The following PLEKHG3 variants were observed in gnomAD, a reference collection of about 807,000 sequenced individuals.
PLEKHG3 encodes pleckstrin homology domain-containing family G member 3.
In PLEKHG3, 62 loss-of-function variants were observed where a neutral mutation model predicts 94.9. That is an observed-to-expected ratio of 0.65 (90% CI 0.53 to 0.81). PLEKHG3 has a LOEUF of 0.81. PLEKHG3 is among the 30% of genes least tolerant of loss of function. The probability of loss-of-function intolerance (pLI) is 0.00; values close to 1 mark genes in which losing one functional copy is unlikely to be tolerated. For missense variants in PLEKHG3, 1,461 were observed against 1,619.3 expected (o/e 0.90, Z 1.68); for synonymous variants, 614 against 654.0 (o/e 0.94, Z 0.93).
Position 64,743,757 on chromosome 14 carries a change from G to A in PLEKHG3, c.*54G>A. The A allele has an allele frequency of 1.3e-6, 2 of 1,494,528 alleles. No individual in the cohort carries two copies. Among genetic ancestry groups the A allele is most frequent in the Non-Finnish European group, 8.9e-7 (1 of 1,127,064 alleles). 92.6% of individuals were successfully genotyped at this position (1,494,528 alleles called of 1,614,324 possible). A position where few individuals can be genotyped will look rare whatever the true frequency, so the allele number is the denominator to read the frequency against. On this transcript the variant is annotated 3_prime_UTR_variant, in exon 17 of 17. Transcript: ENST00000247226. The surrounding 1 kb of genome is among the most constrained non-coding windows in gnomAD (Gnocchi z 7.2). ...TGTTGGAGGTTGGGGAAGAACCTGG[G>A]CATCCTTCCCCTCAAGCCTGGGCTC...
intron 3 of PLEKHG3, 90 bp downstream of exon 3, chr14:64,729,183 G>A (rs879226541): frequency 1.6e-6 from 1 of 611,260 alleles, no homozygotes; most frequent in East Asian, 2.9e-5. Flanking sequence ...CTGGTCTCAT[G>A]GGCCTGTGAC....
At position 64,732,848 on chromosome 14, in the gene PLEKHG3, G is replaced by A; in HGVS notation, c.1292G>A (p.Trp431Ter). The A allele has an allele frequency of 1.2e-6, 2 of 1,611,106 alleles. No homozygotes were observed. Among genetic ancestry groups the A allele is most frequent in the South Asian group, 1.1e-5 (1 of 90,090 alleles). Residue 431 changes from tryptophan to a stop codon, truncating the protein, a stop_gained, in exon 12 of 17, where the codon TGG becomes TAG. Transcript: ENST00000247226. LOFTEE classifies it high-confidence loss of function. The surrounding 1 kb of genome is among the most constrained non-coding windows in gnomAD (Gnocchi z 4.9). Reference protein sequence around the residue: ...RCSPERLKKAWSSQDEVSTNV... With the variant: ...RCSPERLKKA ...AGCCCAGAGCGGCTGAAGAAGGCTTGGTCCTCCCAGGATGAGGTGTCCACC... is the reference window on the plus strand; with the variant it reads ...AGCCCAGAGCGGCTGAAGAAGGCTTAGTCCTCCCAGGATGAGGTGTCCACC...
Position 64,742,302 on chromosome 14 carries a change from C to T in PLEKHG3, c.2785C>T (p.Leu929=), listed in dbSNP as rs1183335335. 1.2e-6 allele frequency: 2 copies of T among 1,612,668 alleles called. No individual in the cohort carries two copies. The highest frequency in any genetic ancestry group is 1.7e-6 in the Non-Finnish European group (2 of 1,180,040). The change falls in exon 16 of 17, where the codon CTG becomes TTG. Residue 929 remains leucine (L), a synonymous_variant. Transcript: ENST00000247226. ...SERVKNKVYQ[L]ARQYSLRIKS... is the part of the protein sequence containing the mutation. ...GCGCGTCAAGAACAAGGTCTACCAG[C>T]TGGCCCGCCAGTACAGCCTCCGGAT...
chr14:64,730,806 G>A lies in PLEKHG3; in HGVS notation c.574G>A (p.Ala192Thr). The change falls in exon 6 of 17, where the codon GCC becomes ACC. Residue 192 changes from alanine to threonine, a missense_variant. This residue lies in a region of PLEKHG3 where 253 missense variants were observed against 297.8 expected (regional missense o/e 0.85). Coordinates refer to ENST00000247226, the MANE Select transcript of PLEKHG3 (RefSeq NM_001308147.2). This position sits in a 1 kb window ranked among gnomAD's most constrained non-coding sequence, Gnocchi z 5.4. ...CCCTTCTCCCACTCCCAGCTCCGTG[G>A]CCGCCCTGACGGAATGCATGCGGGA... is the stretch of plus-strand genomic sequence containing the variant. Reference protein sequence around the residue: ...QYCNNYPNSVAALTECMRDKQ... With the variant: ...QYCNNYPNSVTALTECMRDKQ... 1 of 1,613,176 alleles carries A rather than the reference G, an allele frequency of 6.2e-7. No homozygotes were observed.
rs755411882 is a variant in PLEKHG3, at chr14:64,742,970, C to G, written c.2939-12C>G. The G allele has an allele frequency of 1.2e-6, 2 of 1,613,066 alleles. No individual in the cohort carries two copies. The highest frequency in any genetic ancestry group is 1.3e-5 in the African/African-American group (1 of 74,924). On this transcript the variant is annotated splice_polypyrimidine_tract_variant and intron_variant, in intron 16 of 16. Coordinates refer to ENST00000247226, the MANE Select transcript of PLEKHG3 (RefSeq NM_001308147.2). ...CGCCCCATGCTTCAGGCAGCTTGCT[C>G]TCTCCTCATAGGTAAGAGGAAGCCG... is the stretch of plus-strand genomic sequence containing the variant.
chr14:64,707,280 C>T (rs2080986907), intron 1 of PLEKHG3, among the ~76,000 whole-genome samples: 1 of 152,196 alleles, frequency 6.6e-6, no homozygotes, highest in Non-Finnish European at 1.5e-5. Flanking sequence ...CTCATCTGGG[C>T]CCCACAACTC....
chr14:64,741,734 G>T lies in PLEKHG3; in HGVS notation c.2217G>T (p.Arg739=). 1 of 1,613,122 alleles carries T rather than the reference G, an allele frequency of 6.2e-7. No individual in the cohort carries two copies. The highest frequency in any genetic ancestry group is 8.5e-7 in the Non-Finnish European group (1 of 1,180,026). Reference sequence around the variant, plus strand: ...ATGCAGGCTTCAGCGTCCGTCGCCGGGAGAGCCTCTCCTACATCCCCAAAG... The same window carrying T: ...ATGCAGGCTTCAGCGTCCGTCGCCGTGAGAGCCTCTCCTACATCCCCAAAG... The part of the protein sequence containing the change: ...HHDAGFSVRR[R]ESLSYIPKGL... Residue 739 remains arginine, a synonymous_variant, in exon 16 of 17, where the codon CGG becomes CGT. Transcript: ENST00000247226.
intron 1 of PLEKHG3, among the ~76,000 whole-genome samples, chr14:64,707,945 T>C (rs2080999198): frequency 6.6e-6 from 1 of 152,270 alleles, no homozygotes; most frequent in Non-Finnish European, 1.5e-5. Context: ...GTATGTTGAA[T>C]GCTTAGCAAA....
In PLEKHG3 at chr14:64,742,211, G is replaced by C. The variant is rs1174478918; in HGVS notation, c.2694G>C (p.Glu898Asp). ...VKELSSSTQG[E>D]LVAPLHPRIV... ...AGCTGAGCAGCAGTACCCAGGGGGA[G>C]CTGGTGGCCCCACTGCACCCCCGCA... The change falls in exon 16 of 17, where the codon GAG becomes GAC. Residue 898 changes from glutamate to aspartate, a missense_variant. Glu to Asp is a conservative substitution (Grantham distance 45). Transcript: ENST00000247226. The C allele has an allele frequency of 6.2e-7, 1 of 1,613,008 alleles. No individual in the cohort carries two copies. The highest frequency in any genetic ancestry group is 8.5e-7 in the Non-Finnish European group (1 of 1,179,968).
At position 64,741,960 on chromosome 14, in the gene PLEKHG3, G is replaced by T. The variant is rs1419582701; in HGVS notation, c.2443G>T (p.Val815Leu). 25 of 1,576,466 alleles carry T rather than the reference G, an allele frequency of 1.6e-5. No homozygotes were observed. Among genetic ancestry groups the T allele is most frequent in the Non-Finnish European group, 2.1e-5 (25 of 1,163,324 alleles). ...TGAGTTCCGCCCATCTTCAGAAATT[G>T]TGAAGATCTGGGAGGGAATGGAGTC... ...DAEFRPSSEI[V>L]KIWEGMESSG... The change falls in exon 16 of 17, where the codon GTG becomes TTG. Residue 815 changes from valine to leucine, a missense_variant. Physicochemically the swap from Val to Leu is conservative, Grantham distance 32. Coordinates refer to ENST00000247226, the MANE Select transcript of PLEKHG3 (RefSeq NM_001308147.2).
intron 1 of PLEKHG3, among the ~76,000 whole-genome samples, chr14:64,708,535 G>C (rs1465439011): frequency 6.6e-6 from 1 of 152,130 alleles, no homozygotes; most frequent in Non-Finnish European, 1.5e-5. Context: ...TTTGAATAAG[G>C]GTTCGCCAGG....
rs192516812 is a variant in PLEKHG3 at position 64,738,197 on chromosome 14, C to A, written c.1405-545C>A. On this transcript the variant is annotated intron_variant, in intron 14 of 16. Coordinates refer to ENST00000247226, the MANE Select transcript of PLEKHG3 (RefSeq NM_001308147.2). This position sits in a 1 kb window ranked among gnomAD's most constrained non-coding sequence, Gnocchi z 4.8. ...TCCACTGCTGGCACTATCGGGCCAACGCTTTACTTTTCTCCCGGGGCGCTA... is the reference window on the plus strand; with the variant it reads ...TCCACTGCTGGCACTATCGGGCCAAAGCTTTACTTTTCTCCCGGGGCGCTA... 4.3e-5 allele frequency: 55 copies of A among 1,289,514 alleles called. No individual in the cohort carries two copies. In the African/African-American group the frequency reaches 6.4e-4, roughly 15 times the overall value. 79.9% of individuals were successfully genotyped at this position (1,289,514 alleles called of 1,614,324 possible). A position where few individuals can be genotyped will look rare whatever the true frequency, so the allele number is the denominator to read the frequency against.
At chr14:64,737,408 C>T in intron 14 of PLEKHG3, 33 bp downstream of exon 14, 1 of 1,536,672 alleles carries the variant, frequency 6.5e-7, no homozygotes. Context: ...GACTGGCTGA[C>T]AGAGGAGGGT....
rs942658119 is a variant in PLEKHG3, at chr14:64,717,390, C to CT, written c.-39-10202dup. 1.3e-5 allele frequency among the ~76,000 whole-genome samples: 2 copies of CT among 152,118 alleles called. No individual in the cohort carries two copies. The highest frequency in any genetic ancestry group is 4.8e-5 in the African/African-American group (2 of 41,422). On this transcript the variant is annotated intron_variant, in intron 1 of 16. Transcript: ENST00000247226. The surrounding 1 kb of genome is among the most constrained non-coding windows in gnomAD (Gnocchi z 4.7). ...GGGAGTTGTGTTTTAGGGAATTGCC[C>CT]TGGCAGCCTTGCCTCCAAGCCACCA...
In PLEKHG3 at chr14:64,742,469, G is replaced by T; in HGVS notation, c.2938+14G>T. Reference sequence around the variant, plus strand: ...TAGGTGGCAAAGGTATGACAGAAGCGGCAAGTGGGCCCTTCCCCAAGTCTA... The same window carrying T: ...TAGGTGGCAAAGGTATGACAGAAGCTGCAAGTGGGCCCTTCCCCAAGTCTA... On this transcript the variant is annotated intron_variant, in intron 16 of 16. Coordinates refer to ENST00000247226, the MANE Select transcript of PLEKHG3 (RefSeq NM_001308147.2). The T allele has an allele frequency of 6.4e-7, 1 of 1,568,252 alleles. No individual in the cohort carries two copies.
chr14:64,731,715 G>T lies in PLEKHG3; in HGVS notation c.1034G>T (p.Cys345Phe). 1 of 1,611,292 alleles carries T rather than the reference G, an allele frequency of 6.2e-7. No individual in the cohort carries two copies. The highest frequency in any genetic ancestry group is 1.1e-5 in the South Asian group (1 of 91,020). ...ACTGTCCTTTCCCTCTGCCCCTAGT[G>T]CTCCTCCCTGATGCTGATCGAAAGC... ...DHFVYKGNIP[C>F]SSLMLIESTR... Residue 345 changes from cysteine to phenylalanine, a missense_variant and splice_region_variant, in exon 9 of 17, where the codon TGC (cysteine) becomes TTC (phenylalanine). Around this residue, in one of 3 missense-constraint regions of PLEKHG3, gnomAD observed 1,201 missense variants for 1,295.5 expected, o/e 0.93. Coordinates refer to ENST00000247226, the MANE Select transcript of PLEKHG3 (RefSeq NM_001308147.2). This position sits in a 1 kb window ranked among gnomAD's most constrained non-coding sequence, Gnocchi z 6.1.
At position 64,715,219 on chromosome 14, in the gene PLEKHG3, A is replaced by G. The variant is rs2081120743; in HGVS notation, c.-40+10515A>G. ...TTGTGAGCAAAAAGTGTTACTTGTAAAAAAAGCAAAAAGTGCATGAGAGCA... is the reference window on the plus strand; with the variant it reads ...TTGTGAGCAAAAAGTGTTACTTGTAGAAAAAGCAAAAAGTGCATGAGAGCA... On this transcript the variant is annotated intron_variant, in intron 1 of 16. Transcript: ENST00000247226. The surrounding 1 kb of genome is among the most constrained non-coding windows in gnomAD (Gnocchi z 4.4). Among the ~76,000 whole-genome samples, 1 of 152,172 alleles carries G rather than the reference A, an allele frequency of 6.6e-6. No individual in the cohort carries two copies. Among genetic ancestry groups the G allele is most frequent in the Non-Finnish European group, 1.5e-5 (1 of 68,024 alleles).
At chr14:64,724,421 G>T (rs573563143) in intron 1 of PLEKHG3, among the ~76,000 whole-genome samples, 3 of 152,076 alleles carry the variant, frequency 2.0e-5, no homozygotes, top group East Asian at 1.9e-4. Context: ...CCTTGTGATC[G>T]TGGGTCTCCT....
chr14:64,731,188 G>T lies in PLEKHG3; in HGVS notation c.849+19G>T. 2 of 1,597,122 alleles carry T rather than the reference G, an allele frequency of 1.3e-6. No homozygotes were observed. Among genetic ancestry groups the T allele is most frequent in the Non-Finnish European group, 1.7e-6 (2 of 1,167,298 alleles). ...GCTCCAGGTGCTCTGGGGCTGGGAC[G>T]CTGGGGGAGGGGCAGGGCTGGGTGG... On this transcript the variant is annotated intron_variant, in intron 7 of 16. Coordinates refer to ENST00000247226, the MANE Select transcript of PLEKHG3 (RefSeq NM_001308147.2). This position sits in a 1 kb window ranked among gnomAD's most constrained non-coding sequence, Gnocchi z 6.1.
Sources: allele counts gnomAD v4.1 joint callset (sites outside exome capture counted in the v4.1 genomes callset), GRCh38; gene constraint gnomAD v4.1.1; regional missense constraint gnomAD v4.1.1; non-coding constraint Gnocchi (gnomAD v3.1); transcripts MANE v1.5; gene names NCBI Gene and HGNC (gene_info 2026-07-23, HGNC 2026-07-21).